ITGA4: variants seen among roughly 807,000 people sequenced by gnomAD.
ITGA4 encodes the protein integrin subunit alpha 4.
In ITGA4, 63 loss-of-function variants were observed where a neutral mutation model predicts 133.6. That is an observed-to-expected ratio of 0.47 (90% CI 0.38 to 0.58). ITGA4 has a LOEUF of 0.58. Ranked by LOEUF, ITGA4 falls within the 20% of genes least tolerant of loss-of-function variation. The pLI, the probability that ITGA4 is intolerant of heterozygous loss-of-function variation, is 0.00. For missense variants in ITGA4, 1,076 were observed against 1,252.7 expected (o/e 0.86, Z 2.13); for synonymous variants, 483 against 438.0 (o/e 1.10, Z -1.28).
chr2:181,471,471 A>G (rs531614771), intron 2 of ITGA4, among the ~76,000 whole-genome samples: 2 of 152,228 alleles, frequency 1.3e-5, no homozygotes, highest in African/African-American at 2.4e-5. Context: ...TTTCACCACA[A>G]TTTCCTCTGA....
intron 5 of ITGA4, 78 bp downstream of exon 5, chr2:181,478,902 T>G: frequency 1.5e-6 from 1 of 679,010 alleles, no homozygotes; most frequent in African/African-American, 1.9e-5. Context: ...AAGACTGATA[T>G]GTTTTAAAGT....
At chr2:181,525,368 CTG>C in intron 21 of ITGA4, 77 bp downstream of exon 21, 3 of 743,536 alleles carry the variant, frequency 4.0e-6, no homozygotes, top group Non-Finnish European at 4.5e-6. Flanking sequence ...AATGAAAAAA[CTG>C]TATTCTAGAA....
intron 2 of ITGA4, among the ~76,000 whole-genome samples, chr2:181,462,052 C>G (rs1685294146): frequency 6.6e-6 from 1 of 151,912 alleles, no homozygotes; most frequent in Non-Finnish European, 1.5e-5. Context: ...TTTCATGTGG[C>G]TATTATAAAA....
chr2:181,461,869 G>A (rs945800078), intron 2 of ITGA4, among the ~76,000 whole-genome samples: 6 of 152,010 alleles, frequency 3.9e-5, no homozygotes, highest in Non-Finnish European at 5.9e-5. Flanking sequence ...AGCGATGAGA[G>A]GGCTGTAATG....
At chr2:181,481,070 A>G (rs527874663) in intron 6 of ITGA4, among the ~76,000 whole-genome samples, 40 of 152,176 alleles carry the variant, frequency 2.6e-4, no homozygotes, top group Non-Finnish European at 5.4e-4. Context: ...AATTTCAAGT[A>G]GAAGAATTTG....
intron 25 of ITGA4, 68 bp from the exon 26 acceptor site, chr2:181,534,204 A>T: frequency 1.0e-6 from 1 of 980,246 alleles, no homozygotes; most frequent in Non-Finnish European, 1.6e-6. Flanking sequence ...GCTAGAAGGT[A>T]AAGATCCTGA....
intron 17 of ITGA4, among the ~76,000 whole-genome samples, 165 bp from the exon 18 acceptor site, chr2:181,522,026 A>G (rs975137336): frequency 8.5e-5 from 13 of 152,146 alleles, no homozygotes; most frequent in African/African-American, 3.1e-4. Context: ...TCTTCTTAAT[A>G]TGGTTTTACA....
At chr2:181,466,650 C>G (rs1559037022) in intron 2 of ITGA4, among the ~76,000 whole-genome samples, 1 of 151,982 alleles carries the variant, frequency 6.6e-6, no homozygotes, top group African/African-American at 2.4e-5. Flanking sequence ...AGAAACATTG[C>G]CACCAGGTTT....
Position 181,457,491 on chromosome 2 carries a change from G to A in ITGA4, c.-164G>A. ...CGGCCCGAACGCTCCGCCCGCGGTG[G>A]GCCGACTTCCCCTCCTCTTCCCTCT... is the stretch of plus-strand genomic sequence containing the variant. On this transcript the variant is annotated 5_prime_UTR_variant, in exon 1 of 28. Coordinates refer to ENST00000397033, the MANE Select transcript of ITGA4 (RefSeq NM_000885.6). The A allele has an allele frequency of 9.3e-6, 6 of 646,030 alleles. No individual in the cohort carries two copies. The highest frequency in any genetic ancestry group is 2.0e-5 in the South Asian group (1 of 49,876). 40.0% of individuals were successfully genotyped at this position (646,030 alleles called of 1,614,324 possible). A position where few individuals can be genotyped will look rare whatever the true frequency, so the allele number is the denominator to read the frequency against.
intron 14 of ITGA4, 198 bp from the exon 15 acceptor site, chr2:181,498,425 T>TA: frequency 3.0e-6 from 1 of 336,198 alleles, no homozygotes; most frequent in East Asian, 4.7e-5. Flanking sequence ...TAAATCTTTA[T>TA]AAAAGCAATT....
At chr2:181,512,136 C>T (rs572041860) in intron 17 of ITGA4, among the ~76,000 whole-genome samples, 2 of 152,142 alleles carry the variant, frequency 1.3e-5, no homozygotes, top group East Asian at 3.9e-4. Context: ...AAATAAACCA[C>T]TGCAATTTTG....
At position 181,487,714 on chromosome 2, in the gene ITGA4, G is replaced by A. The variant is rs144086493; in HGVS notation, c.1153+1722G>A. ...ATTGAACATTTATTTTGGGTCAGAT[G>A]TACCATACCAGGTACAGAATATGTG... is the stretch of plus-strand genomic sequence containing the variant. On this transcript the variant is annotated intron_variant, in intron 10 of 27. Transcript: ENST00000397033. Among the ~76,000 whole-genome samples, 543 of 152,234 alleles carry A rather than the reference G, an allele frequency of 3.6e-3. 2 individuals are homozygous for A. Among genetic ancestry groups the A allele is most frequent in the African/African-American group, 0.013 (531 of 41,530 alleles).
intron 10 of ITGA4, among the ~76,000 whole-genome samples, chr2:181,489,391 G>GA (rs11398148): frequency 0.99 from 151,133 of 152,282 alleles, 75,013 homozygotes; most frequent in Middle Eastern, 1. Context: ...TCAAAAGCAT[G>GA]AAAAAATCGG....
Position 181,485,930 on chromosome 2 carries a change from A to G in ITGA4, c.1091A>G (p.Tyr364Cys), listed in dbSNP as rs1170300224. 1 of 1,605,932 alleles carries G rather than the reference A, an allele frequency of 6.2e-7. No individual in the cohort carries two copies. Among genetic ancestry groups the G allele is most frequent in the African/African-American group, 1.3e-5 (1 of 74,586 alleles). ...METNLVGSDK[Y>C]AARFGESIVN... Reference sequence around the variant, plus strand: ...ACAAACCTCGTTGGAAGTGACAAATATGCTGCAAGATTTGGGGAATCTATA... The same window carrying G: ...ACAAACCTCGTTGGAAGTGACAAATGTGCTGCAAGATTTGGGGAATCTATA... Residue 364 changes from tyrosine to cysteine, a missense_variant, in exon 10 of 28, where the codon TAT (tyrosine) becomes TGT (cysteine). Physicochemically the swap from Tyr to Cys is radical, Grantham distance 194. Around this residue, in one of 4 missense-constraint regions of ITGA4, gnomAD observed 436 missense variants for 590.7 expected, o/e 0.74. Coordinates refer to ENST00000397033, the MANE Select transcript of ITGA4 (RefSeq NM_000885.6).
Position 181,494,758 on chromosome 2 carries a change from A to G in ITGA4, c.1285A>G (p.Met429Val), listed in dbSNP as rs144469731. 6.2e-7 allele frequency: 1 copy of G among 1,605,014 alleles called. No homozygotes were observed. Among genetic ancestry groups the G allele is most frequent in the Non-Finnish European group, 8.5e-7 (1 of 1,171,886 alleles). Residue 429 changes from methionine (M) to valine (V), a missense_variant, in exon 12 of 28, where the codon ATG becomes GTG. Coordinates refer to ENST00000397033, the MANE Select transcript of ITGA4 (RefSeq NM_000885.6). ...ACTTCAGATCAGCAAATCGTTAAGT[A>G]TGTTTGGACAGTCTATATCAGGACA... is the stretch of plus-strand genomic sequence containing the variant. The part of the protein sequence containing the change: ...EGLQISKSLS[M>V]FGQSISGQID...
At chr2:181,512,469 G>T (rs528415764) in intron 17 of ITGA4, among the ~76,000 whole-genome samples, 5 of 152,026 alleles carry the variant, frequency 3.3e-5, no homozygotes, top group Non-Finnish European at 7.4e-5. Flanking sequence ...GATGGCCCAA[G>T]GGATAGAAAT....
At chr2:181,482,924 C>T (rs1356247861) in intron 9 of ITGA4, among the ~76,000 whole-genome samples, 1 of 152,014 alleles carries the variant, frequency 6.6e-6, no homozygotes, top group Admixed American at 6.6e-5. Context: ...GCTGAAATTT[C>T]TTTCAGTTTT....
intron 17 of ITGA4, among the ~76,000 whole-genome samples, chr2:181,518,806 A>G (rs1468022895): frequency 6.6e-6 from 1 of 152,050 alleles, no homozygotes; most frequent in Non-Finnish European, 1.5e-5. Flanking sequence ...ATTCTAAAGT[A>G]TATATATTTT....
rs10490691 is a variant in ITGA4, at chr2:181,536,389, C to G, written c.*862C>G. On this transcript the variant is annotated 3_prime_UTR_variant, in exon 28 of 28. Transcript: ENST00000397033. ...TGAGTGTTGCACTTTACCTGATACA[C>G]GCTGATTTAGAAAATACAGAAACCA... Among the ~76,000 whole-genome samples the G allele has an allele frequency of 7.3e-6, 1 of 136,440 alleles. No individual in the cohort carries two copies. Among genetic ancestry groups the G allele is most frequent in the African/African-American group, 2.5e-5 (1 of 39,546 alleles). 89.5% of individuals were successfully genotyped at this position (136,440 alleles called of 152,430 possible).
Sources: allele counts gnomAD v4.1 joint callset (sites outside exome capture counted in the v4.1 genomes callset), GRCh38; gene constraint gnomAD v4.1.1; regional missense constraint gnomAD v4.1.1; transcripts MANE v1.5; gene names NCBI Gene and HGNC (gene_info 2026-07-23, HGNC 2026-07-21).